CDCA7L: variants seen among roughly 807,000 people sequenced by gnomAD.
CDCA7L encodes the protein cell division cycle associated 7 like.
In CDCA7L, 44 loss-of-function variants were observed where a neutral mutation model predicts 57.4. The ratio of observed to expected loss-of-function variants is 0.77; its 90% confidence interval spans 0.60 to 0.98. The LOEUF (loss-of-function observed/expected upper bound fraction) is 0.98. Among genes scored for constraint, CDCA7L ranks in the 50% least tolerant of loss-of-function variants. The probability of loss-of-function intolerance (pLI) is 0.00; values close to 1 mark genes in which losing one functional copy is unlikely to be tolerated. For synonymous variants in CDCA7L, 236 were observed against 202.8 expected (o/e 1.16, Z -1.39); for missense variants, 644 against 580.6 (o/e 1.11, Z -1.12).
At chr7:21,932,889 T>G (rs1205104725) in intron 1 of CDCA7L, among the ~76,000 whole-genome samples, 1 of 152,076 alleles carries the variant, frequency 6.6e-6, no homozygotes, top group Non-Finnish European at 1.5e-5. Context: ...AAGAAAATTT[T>G]TGTAATCTAC....
In CDCA7L at chr7:21,904,706, CTG is replaced by C. The variant is rs1319192909; in HGVS notation, c.1048-449_1048-448del. The stretch of plus-strand genomic sequence containing the variant: ...CCTGCCCCCCAAATCCATGGAAAAA[CTG>C]TCTTTCACAAAACCAGTCCCTGGTG... On this transcript the variant is annotated intron_variant, in intron 7 of 9. Coordinates refer to ENST00000406877, the MANE Select transcript of CDCA7L (RefSeq NM_018719.5). Among the ~76,000 whole-genome samples the C allele has an allele frequency of 8.5e-5, 13 of 152,346 alleles. No individual in the cohort carries two copies. In the East Asian group the frequency reaches 1.4e-3, roughly 16 times the overall value.
intron 3 of CDCA7L, among the ~76,000 whole-genome samples, chr7:21,911,253 C>G (rs369550506): frequency 1.4e-4 from 21 of 151,896 alleles, no homozygotes; most frequent in African/African-American, 5.1e-4. Context: ...TGGTCTTGAA[C>G]TCCTGACCTC....
chr7:21,912,155 G>C (rs974409011), intron 2 of CDCA7L, among the ~76,000 whole-genome samples: 10 of 151,978 alleles, frequency 6.6e-5, no homozygotes, highest in African/African-American at 1.5e-4. Context: ...CCAGCTACTT[G>C]GGAGGCTAAG....
At chr7:21,917,607 T>C (rs1204743652) in intron 1 of CDCA7L, among the ~76,000 whole-genome samples, 4 of 152,254 alleles carry the variant, frequency 2.6e-5, no homozygotes, top group Non-Finnish European at 4.4e-5. Flanking sequence ...CAAACACCTG[T>C]TGATTCTTTA....
rs556965993 is a variant in CDCA7L, at chr7:21,901,256, G to T, written c.*1066C>A. On this transcript the variant is annotated 3_prime_UTR_variant, in exon 10 of 10. Coordinates refer to ENST00000406877, the MANE Select transcript of CDCA7L (RefSeq NM_018719.5). ...GTGGCTCTGCTTCTAGAAGCGTAAG[G>T]TAACACTGGCATTCCTCTAGCCTCT... 8 of 1,608,146 alleles carry T rather than the reference G, an allele frequency of 5.0e-6. No homozygotes were observed. The Admixed American group carries it at 1.3e-4, about 27-fold the overall frequency.
intron 1 of CDCA7L, among the ~76,000 whole-genome samples, chr7:21,940,565 G>C (rs999925118): frequency 2.0e-5 from 3 of 152,194 alleles, no homozygotes; most frequent in African/African-American, 7.2e-5. Flanking sequence ...GATCAGGGAA[G>C]TCAGCCCAGG....
intron 1 of CDCA7L, 89 bp from the exon 2 acceptor site, chr7:21,916,983 C>A: frequency 6.8e-7 from 1 of 1,467,046 alleles, no homozygotes; most frequent in Non-Finnish European, 9.4e-7. Flanking sequence ...GAGATCTCAT[C>A]ACTTCATCCA....
intron 1 of CDCA7L, among the ~76,000 whole-genome samples, chr7:21,932,862 G>C (rs12055903): frequency 0.2 from 30,641 of 151,796 alleles, 3,822 homozygotes; most frequent in East Asian, 0.5. Flanking sequence ...AGAGTGAACA[G>C]GCAACTTACA....
chr7:21,923,896 C>T (rs181686104), intron 1 of CDCA7L, among the ~76,000 whole-genome samples: 167 of 152,326 alleles, frequency 1.1e-3, no homozygotes, highest in Non-Finnish European at 2.1e-3. Context: ...TTCAGGCATA[C>T]AAAGCAGTGC....
rs56701381 is a variant in CDCA7L, at chr7:21,930,697, C to CA, written c.25-13804dup. Among the ~76,000 whole-genome samples, 500 of 51,796 alleles carry CA rather than the reference C, an allele frequency of 9.7e-3. 51 individuals are homozygous for CA. The highest frequency in any genetic ancestry group is 0.026 in the African/African-American group (307 of 11,994). The allele number at this position is 51,796 out of a possible 152,430, so 34.0% of individuals were successfully genotyped here. Reference sequence around the variant, plus strand: ...CCGGCAACAGTGCAAGACTCCGTCTCAAAAAAAAAAAAAAAAAAAAAAAAA... The same window carrying CA: ...CCGGCAACAGTGCAAGACTCCGTCTCAAAAAAAAAAAAAAAAAAAAAAAAAA... On this transcript the variant is annotated intron_variant, in intron 1 of 9. Transcript: ENST00000406877.
chr7:21,913,190 C>T (rs1400433994), intron 2 of CDCA7L, among the ~76,000 whole-genome samples: 1 of 152,150 alleles, frequency 6.6e-6, no homozygotes, highest in African/African-American at 2.4e-5. Context: ...GAAAAACTTA[C>T]AGGGGCACAC....
Position 21,902,282 on chromosome 7 carries a change from G to GTACTCTATGGTGA in CDCA7L, c.*27_*39dup, listed in dbSNP as rs1562617410. ...CCAATGGTATGCATGTCTTGTTGGA[G>GTACTCTATGGTGA]TACTCTATGGTGAGGTGGCTGGTTC... On this transcript the variant is annotated 3_prime_UTR_variant, in exon 10 of 10. Coordinates refer to ENST00000406877, the MANE Select transcript of CDCA7L (RefSeq NM_018719.5). The GTACTCTATGGTGA allele has an allele frequency of 6.3e-6, 10 of 1,578,222 alleles. No individual in the cohort carries two copies. The South Asian group carries it at 1.1e-4, about 17-fold the overall frequency.
intron 7 of CDCA7L, among the ~76,000 whole-genome samples, chr7:21,905,077 G>A (rs1785095110): frequency 6.6e-6 from 1 of 152,038 alleles, no homozygotes; most frequent in African/African-American, 2.4e-5. Flanking sequence ...CAAAAAAAAT[G>A]CAGAACGCAA....
Position 21,900,957 on chromosome 7 carries a change from C to G in CDCA7L, c.*1365G>C, listed in dbSNP as rs776498919. The stretch of plus-strand genomic sequence containing the variant: ...ATCAAACAACTTACTTGATCATTAT[C>G]ATTAGTAGCAAGCTGCCACACAATT... On this transcript the variant is annotated 3_prime_UTR_variant, in exon 10 of 10. Coordinates refer to ENST00000406877, the MANE Select transcript of CDCA7L (RefSeq NM_018719.5). The G allele has an allele frequency of 6.6e-7, 1 of 1,517,056 alleles. No individual in the cohort carries two copies. Among genetic ancestry groups the G allele is most frequent in the African/African-American group, 1.4e-5 (1 of 71,890 alleles). 94.0% of individuals were successfully genotyped at this position (1,517,056 alleles called of 1,614,324 possible).
At chr7:21,907,445 A>G (rs1457618440) in intron 4 of CDCA7L, among the ~76,000 whole-genome samples, 1 of 152,206 alleles carries the variant, frequency 6.6e-6, no homozygotes, top group Non-Finnish European at 1.5e-5. Context: ...AAAATGCTAA[A>G]AGGGATAAGT....
At chr7:21,941,361 T>C (rs1405192786) in intron 1 of CDCA7L, among the ~76,000 whole-genome samples, 1 of 152,184 alleles carries the variant, frequency 6.6e-6, no homozygotes. Flanking sequence ...GCAATCATAC[T>C]GTAAAGGTTA....
intron 1 of CDCA7L, among the ~76,000 whole-genome samples, chr7:21,925,233 T>G (rs1028688837): frequency 6.6e-6 from 1 of 152,012 alleles, no homozygotes. Context: ...GAAAACTCAC[T>G]AGGGAAAACA....
Position 21,902,838 on chromosome 7 carries a change from C to CAGAT in CDCA7L, c.1334+136_1334+139dup, listed in dbSNP as rs1562618230. The CAGAT allele has an allele frequency of 1.5e-5, 11 of 718,618 alleles. No homozygotes were observed. The East Asian group carries it at 1.8e-4, about 12-fold the overall frequency. The allele number at this position is 718,618 out of a possible 1,614,324, so 44.5% of individuals were successfully genotyped here. A position where few individuals can be genotyped will look rare whatever the true frequency, so the allele number is the denominator to read the frequency against. ...CAGGCCTGAGCTTTTCCAATGCAAACAGATACAGAATGGATGGTACTCGTG... is the reference window on the plus strand; with the variant it reads ...CAGGCCTGAGCTTTTCCAATGCAAACAGATAGATACAGAATGGATGGTACTCGTG... On this transcript the variant is annotated intron_variant, in intron 9 of 9. Coordinates refer to ENST00000406877, the MANE Select transcript of CDCA7L (RefSeq NM_018719.5).
intron 1 of CDCA7L, among the ~76,000 whole-genome samples, chr7:21,934,776 T>C (rs201261962): frequency 6.6e-6 from 1 of 152,158 alleles, no homozygotes; most frequent in Non-Finnish European, 1.5e-5. Context: ...GGAGTGGCTA[T>C]ACTAATATGA....
Sources: allele counts gnomAD v4.1 joint callset (sites outside exome capture counted in the v4.1 genomes callset), GRCh38; gene constraint gnomAD v4.1.1; transcripts MANE v1.5; gene names NCBI Gene and HGNC (gene_info 2026-07-23, HGNC 2026-07-21).